MYOM1: variants seen among roughly 807,000 people sequenced by gnomAD.
MYOM1 encodes myomesin 1.
A neutral mutation model predicts 205.3 loss-of-function variants in MYOM1; 164 were observed. The ratio of observed to expected loss-of-function variants is 0.80; its 90% CI spans 0.70 to 0.91. The LOEUF (loss-of-function observed/expected upper bound fraction) is 0.91. Among genes scored for constraint, MYOM1 ranks in the 40% least tolerant of loss-of-function variants. The pLI, the probability that MYOM1 is intolerant of heterozygous loss-of-function variation, is 0.00. For missense variants in MYOM1, 2,011 were observed against 2,127.3 expected (o/e 0.95, Z 1.08); for synonymous variants, 772 against 789.4 (o/e 0.98, Z 0.37).
chr18:3,181,020 G>A (rs1168609760), intron 5 of MYOM1, among the ~76,000 whole-genome samples: 7 of 151,448 alleles, frequency 4.6e-5, no homozygotes, highest in Middle Eastern at 3.4e-3. Context: ...TCCGCCTTCC[G>A]GGTTCAAGTG....
chr18:3,086,057 C>T lies in MYOM1; in HGVS notation c.4232G>A (p.Cys1411Tyr). The stretch of plus-strand genomic sequence containing the variant: ...GCCTACCTCTGTTATAAGCAGGGTA[C>T]ATATACCATCCTTAAAGTCATGCTT... The part of the protein sequence containing the change: ...DEKHDFKDGI[C>Y]TLLITEFSKK... Residue 1411 changes from cysteine (C) to tyrosine (Y), a missense_variant, in exon 30 of 38, where the codon TGT becomes TAT. Physicochemically the swap from Cys to Tyr is radical, Grantham distance 194 (BLOSUM62 -2). Coordinates refer to ENST00000356443, the MANE Select transcript of MYOM1 (RefSeq NM_003803.4). 2 of 1,605,600 alleles carry T rather than the reference C, an allele frequency of 1.2e-6. No individual in the cohort carries two copies. The highest frequency in any genetic ancestry group is 1.7e-6 in the Non-Finnish European group (2 of 1,174,398).
chr18:3,187,861 T>TC lies in MYOM1; in HGVS notation c.772-225_772-224insG, dbSNP rs1370710912. Among the ~76,000 whole-genome samples the TC allele has an allele frequency of 3.4e-3, 475 of 139,108 alleles. 3 individuals carry two copies. Among genetic ancestry groups the TC allele is most frequent in the Middle Eastern group, 0.015 (4 of 274 alleles). 91.3% of individuals were successfully genotyped at this position (139,108 alleles called of 152,430 possible). ...CAACATCTTTGATTTCTTTTTCTTT[T>TC]TTTTTTTTTTTTTTTTGGCCCGGAC... On this transcript the variant is annotated intron_variant, in intron 4 of 37. Coordinates refer to ENST00000356443, the MANE Select transcript of MYOM1 (RefSeq NM_003803.4).
At chr18:3,068,931 T>C (rs1308543575) in intron 37 of MYOM1, among the ~76,000 whole-genome samples, 1 of 151,970 alleles carries the variant, frequency 6.6e-6, no homozygotes, top group Non-Finnish European at 1.5e-5. Context: ...TTTTTCTTTA[T>C]TTTTTTTAAT....
At chr18:3,161,013 T>A (rs1243332539) in intron 10 of MYOM1, among the ~76,000 whole-genome samples, 5 of 152,184 alleles carry the variant, frequency 3.3e-5, no homozygotes, top group African/African-American at 1.2e-4. Context: ...TAGCCAGCGA[T>A]GTTCTCTGGC....
chr18:3,214,467 G>A (rs190415416), intron 2 of MYOM1, among the ~76,000 whole-genome samples: 1 of 152,270 alleles, frequency 6.6e-6, no homozygotes, highest in East Asian at 1.9e-4. Context: ...CACGGGTCCC[G>A]GGTCTCCCAA....
Position 3,135,839 on chromosome 18 carries a change from C to G in MYOM1, c.2026-109G>C. ...CTGCAACAAACCACTCCCTGTAATG[C>G]AAGCTGGACTGGAGGAGAGATGAGG... On this transcript the variant is annotated intron_variant, in intron 14 of 37. Transcript: ENST00000356443. This position sits in a 1 kb window ranked among gnomAD's most constrained non-coding sequence, Gnocchi z 4.1. 8.5e-7 allele frequency: 1 copy of G among 1,174,670 alleles called. No homozygotes were observed. Among genetic ancestry groups the G allele is most frequent in the Non-Finnish European group, 1.2e-6 (1 of 823,302 alleles). 72.8% of individuals were successfully genotyped at this position (1,174,670 alleles called of 1,614,324 possible).
the MYOM1 span, among the ~76,000 whole-genome samples, chr18:3,235,268 G>A: frequency 3.9e-5 from 6 of 152,026 alleles, no homozygotes; most frequent in African/African-American, 1.2e-4. Flanking sequence ...AATGATAACT[G>A]TCATTTCCTA....
Position 3,149,192 on chromosome 18 carries a change from G to A in MYOM1, c.1853C>T (p.Ser618Leu), listed in dbSNP as rs2080181489. Reference sequence around the variant, plus strand: ...AATGATCTGTCCAGTCCAGGGTGCTGAGGGGCGACCTGAATAAAGACAAAT... The same window carrying A: ...AATGATCTGTCCAGTCCAGGGTGCTAAGGGGCGACCTGAATAAAGACAAAT... ...AEKARLKSRP[S>L]APWTGQIIVT... Residue 618 changes from serine (S) to leucine (L), a missense_variant, in exon 13 of 38, where the codon TCA becomes TTA. Transcript: ENST00000356443. 4 of 1,612,922 alleles carry A rather than the reference G, an allele frequency of 2.5e-6. No homozygotes were observed. The highest frequency in any genetic ancestry group is 3.4e-6 in the Non-Finnish European group (4 of 1,179,482).
chr18:3,198,807 A>G (rs1234777255), intron 2 of MYOM1, among the ~76,000 whole-genome samples: 1 of 151,208 alleles, frequency 6.6e-6, no homozygotes, highest in South Asian at 2.1e-4. Flanking sequence ...AAAAAAAAAG[A>G]TTTATTCTCC....
At chr18:3,071,085 T>C (rs1024834005) in intron 37 of MYOM1, among the ~76,000 whole-genome samples, 2 of 151,978 alleles carry the variant, frequency 1.3e-5, no homozygotes, top group Non-Finnish European at 2.9e-5. Flanking sequence ...CAGGAGCCCC[T>C]GGAGTTCTGT....
Position 3,215,146 on chromosome 18 carries a change from C to CA in MYOM1, c.77dup (p.Ser27GlufsTer55). 6.2e-7 allele frequency: 1 copy of CA among 1,613,816 alleles called. No homozygotes were observed. Among genetic ancestry groups the CA allele is most frequent in the Non-Finnish European group, 8.5e-7 (1 of 1,179,846 alleles). Reference sequence around the variant, plus strand: ...GTTTCTTCTCCCGCTGGTAGTGACTCACGGTGCTGCGCACGTCCTTGTTGC... The same window carrying CA: ...GTTTCTTCTCCCGCTGGTAGTGACTCAACGGTGCTGCGCACGTCCTTGTTGC... On this transcript the variant is annotated frameshift_variant, in exon 2 of 38. Transcript: ENST00000356443. LOFTEE classifies it high-confidence loss of function.
chr18:3,180,348 G>C (rs1255686814), intron 5 of MYOM1, among the ~76,000 whole-genome samples: 1 of 152,062 alleles, frequency 6.6e-6, no homozygotes, highest in Non-Finnish European at 1.5e-5. Context: ...CTTTTCTCTG[G>C]AGCTCCAGAT....
chr18:3,233,002 A>T, the MYOM1 span, among the ~76,000 whole-genome samples: 2 of 152,234 alleles, frequency 1.3e-5, no homozygotes, highest in Admixed American at 1.3e-4. Context: ...CATGCACCCT[A>T]ATGAGCATTT....
At chr18:3,075,507 A>C (rs767507283) in intron 35 of MYOM1, 31 bp from the exon 36 acceptor site, 2 of 1,610,626 alleles carry the variant, frequency 1.2e-6, no homozygotes, top group South Asian at 2.2e-5. Flanking sequence ...CAAACAGACG[A>C]AGAATTTTGT....
At chr18:3,084,946 AATC>A in intron 31 of MYOM1, 96 bp downstream of exon 31, 4 of 942,464 alleles carry the variant, frequency 4.2e-6, no homozygotes, top group Non-Finnish European at 6.3e-6. Context: ...GGACAAAAAA[AATC>A]AGCATGATTT....
At position 3,117,362 on chromosome 18, in the gene MYOM1, T is replaced by C. The variant is rs181683540; in HGVS notation, c.3119-847A>G. ...ATGGGTAAAAACAAACGATAGGTTA[T>C]GGTTTACAAAATCCTTTTACCAAAT... On this transcript the variant is annotated intron_variant, in intron 20 of 37. Transcript: ENST00000356443. 2.6e-5 allele frequency among the ~76,000 whole-genome samples: 4 copies of C among 152,378 alleles called. No homozygotes were observed. In the East Asian group the frequency reaches 7.7e-4, roughly 29 times the overall value.
chr18:3,072,879 T>G (rs1481305274), intron 36 of MYOM1, among the ~76,000 whole-genome samples: 1 of 152,096 alleles, frequency 6.6e-6, no homozygotes, highest in Non-Finnish European at 1.5e-5. Flanking sequence ...CAAGCGTAGC[T>G]TGGCCTCTTT....
chr18:3,070,884 G>A (rs1444647462), intron 37 of MYOM1, among the ~76,000 whole-genome samples: 2 of 151,790 alleles, frequency 1.3e-5, no homozygotes, highest in African/African-American at 4.8e-5. Flanking sequence ...TCAGACTCCC[G>A]AGTAGCTGGG....
At chr18:3,069,706 G>A (rs1459776386) in intron 37 of MYOM1, among the ~76,000 whole-genome samples, 3 of 139,076 alleles carry the variant, frequency 2.2e-5, no homozygotes, top group Non-Finnish European at 4.6e-5. Context: ...CAGTCTAGTG[G>A]TTAGGAAAAA....
Sources: allele counts gnomAD v4.1 joint callset (sites outside exome capture counted in the v4.1 genomes callset), GRCh38; gene constraint gnomAD v4.1.1; non-coding constraint Gnocchi (gnomAD v3.1); transcripts MANE v1.5; gene names NCBI Gene and HGNC (gene_info 2026-07-23, HGNC 2026-07-21).